The following PI4K2B variants were observed in gnomAD, a reference collection of about 807,000 sequenced individuals.
The protein encoded by PI4K2B is phosphatidylinositol 4-kinase type 2 beta, also known as phosphatidylinositol 4-kinase type 2-beta.
A neutral mutation model predicts 56.6 loss-of-function variants in PI4K2B; 46 were observed. That is an observed-to-expected ratio of 0.81 (90% CI 0.64 to 1.04). The LOEUF (loss-of-function observed/expected upper bound fraction) is 1.04. PI4K2B is among the 50% of genes least tolerant of loss of function. The pLI, the probability that PI4K2B is intolerant of heterozygous loss-of-function variation, is 0.00. For missense variants in PI4K2B, 556 were observed against 607.7 expected (o/e 0.91, Z 0.89); for synonymous variants, 211 against 223.8 (o/e 0.94, Z 0.51).
At chr4:25,254,660 G>A (rs1035016030) in intron 2 of PI4K2B, among the ~76,000 whole-genome samples, 3 of 151,950 alleles carry the variant, frequency 2.0e-5, no homozygotes, top group Admixed American at 6.6e-5. Flanking sequence ...TGATCCGCCC[G>A]CCTCGGCCTC....
At chr4:25,274,204 A>G (rs1483293924) in intron 9 of PI4K2B, among the ~76,000 whole-genome samples, 1 of 152,200 alleles carries the variant, frequency 6.6e-6, no homozygotes, top group African/African-American at 2.4e-5. Context: ...TATATAGTGC[A>G]GTAATTCTCA....
chr4:25,256,813 A>T, intron 4 of PI4K2B, 139 bp downstream of exon 4: 1 of 774,192 alleles, frequency 1.3e-6, no homozygotes, highest in Non-Finnish European at 2.1e-6. Context: ...GTAAACAGGT[A>T]ATTTTAGTGT....
At chr4:25,236,151 TC>T (rs1254831896) in intron 1 of PI4K2B, among the ~76,000 whole-genome samples, 1 of 151,646 alleles carries the variant, frequency 6.6e-6, no homozygotes, top group Non-Finnish European at 1.5e-5. Flanking sequence ...AATATTTTAT[TC>T]TCCACTGCAC....
chr4:25,237,349 T>G (rs1014697268), intron 1 of PI4K2B, among the ~76,000 whole-genome samples: 127 of 152,252 alleles, frequency 8.3e-4, no homozygotes, highest in African/African-American at 2.9e-3. Flanking sequence ...TTTGTTTTTT[T>G]TTTTTGTTTT....
rs751290066 is a variant in PI4K2B at position 25,234,386 on chromosome 4, C to T, written c.223C>T (p.Arg75Trp). 2.1e-6 allele frequency: 3 copies of T among 1,398,296 alleles called. No homozygotes were observed. The East Asian group carries it at 9.2e-5, about 43-fold the overall frequency. 86.6% of individuals were successfully genotyped at this position (1,398,296 alleles called of 1,614,324 possible). ...CCCGCCCGGGGACGTGGGGGTCTCC[C>T]GGAGTTCGTCCGCCGAGCTGGACCG... ...PLPPGDVGVS[R>W]SSSAELDRSR... Residue 75 changes from arginine (R) to tryptophan (W), a missense_variant, in exon 1 of 10, where the codon CGG (arginine) becomes TGG (tryptophan). Transcript: ENST00000264864.
intron 9 of PI4K2B, among the ~76,000 whole-genome samples, chr4:25,275,742 T>C (rs891286399): frequency 1.3e-5 from 2 of 152,180 alleles, no homozygotes; most frequent in African/African-American, 4.8e-5. Flanking sequence ...ACATAACCTA[T>C]AACACTGTTA....
chr4:25,271,188 T>C (rs938379053), intron 9 of PI4K2B, among the ~76,000 whole-genome samples: 7 of 152,174 alleles, frequency 4.6e-5, no homozygotes, highest in African/African-American at 7.2e-5. Context: ...GCTCGAGAAA[T>C]AGAATGGAGC....
At chr4:25,273,476 C>A (rs928950357) in intron 9 of PI4K2B, among the ~76,000 whole-genome samples, 4 of 151,980 alleles carry the variant, frequency 2.6e-5, no homozygotes, top group African/African-American at 9.7e-5. Context: ...GGTACTTGAC[C>A]CCTTACTGGA....
intron 1 of PI4K2B, among the ~76,000 whole-genome samples, chr4:25,250,069 A>G (rs939707534): frequency 1.7e-4 from 26 of 152,102 alleles, no homozygotes; most frequent in Admixed American, 7.2e-4. Flanking sequence ...AAATACGAAA[A>G]CCAGTCAGGC....
chr4:25,259,300 TTCTC>T lies in PI4K2B; in HGVS notation c.910+112_910+115del, dbSNP rs1716367652. ...TTGTTGCAGAAGTCTTGAAGCCACTTTCTCTGTCTGTCTTGGCAAACAGATGTAG... is the reference window on the plus strand; with the variant it reads ...TTGTTGCAGAAGTCTTGAAGCCACTTTGTCTGTCTTGGCAAACAGATGTAG... On this transcript the variant is annotated intron_variant, in intron 5 of 9. Transcript: ENST00000264864. 5 of 720,882 alleles carry T rather than the reference TTCTC, an allele frequency of 6.9e-6. No homozygotes were observed. The East Asian group carries it at 1.0e-4, about 15-fold the overall frequency. 44.7% of individuals were successfully genotyped at this position (720,882 alleles called of 1,614,324 possible). A position where few individuals can be genotyped will look rare whatever the true frequency, so the allele number is the denominator to read the frequency against.
chr4:25,269,645 A>T (rs1716800252), intron 9 of PI4K2B, among the ~76,000 whole-genome samples: 1 of 151,956 alleles, frequency 6.6e-6, no homozygotes, highest in Non-Finnish European at 1.5e-5. Flanking sequence ...ATCTCAAAAA[A>T]AAAAAAAGAA....
chr4:25,257,790 C>T (rs948198111), intron 4 of PI4K2B, among the ~76,000 whole-genome samples: 2 of 152,142 alleles, frequency 1.3e-5, no homozygotes, highest in South Asian at 4.1e-4. Flanking sequence ...GCTTGTTCTT[C>T]CTTAGACATG....
intron 1 of PI4K2B, among the ~76,000 whole-genome samples, chr4:25,237,819 A>G (rs956985161): frequency 2.6e-5 from 4 of 152,194 alleles, no homozygotes; most frequent in African/African-American, 9.7e-5. Context: ...TTCAGGTTAC[A>G]CTGAGTCCAG....
Position 25,243,684 on chromosome 4 carries a change from G to T in PI4K2B, c.269-8637G>T, listed in dbSNP as rs183944348. Among the ~76,000 whole-genome samples, 72 of 152,326 alleles carry T rather than the reference G, an allele frequency of 4.7e-4. 1 individual carries two copies. The highest frequency in any genetic ancestry group is 1.6e-3 in the Admixed American group (24 of 15,306). ...TGACCCTCGAGTGATTCAGGTGACT[G>T]GGGAGTATATTTTCTTAAGGCCTCT... On this transcript the variant is annotated intron_variant, in intron 1 of 9. Transcript: ENST00000264864.
chr4:25,263,851 T>G lies in PI4K2B; in HGVS notation c.1078+2T>G, dbSNP rs1211607071. 7.5e-7 allele frequency: 1 copy of G among 1,332,700 alleles called. No individual in the cohort carries two copies. The allele number at this position is 1,332,700 out of a possible 1,614,324, so 82.6% of individuals were successfully genotyped here. On this transcript the variant is annotated splice_donor_variant, in intron 7 of 9. Coordinates refer to ENST00000264864, the MANE Select transcript of PI4K2B (RefSeq NM_018323.4). LOFTEE classifies it high-confidence loss of function. ...AACATCCTGATGAATGGAGAGCATGTGAGTATTTAGAACCTTCTGTAGAGT... is the reference window on the plus strand; with the variant it reads ...AACATCCTGATGAATGGAGAGCATGGGAGTATTTAGAACCTTCTGTAGAGT...
chr4:25,256,448 G>C, intron 3 of PI4K2B, 95 bp from the exon 4 acceptor site: 1 of 1,183,184 alleles, frequency 8.5e-7, no homozygotes, highest in Non-Finnish European at 1.2e-6. Context: ...ATTAAACTTT[G>C]CTAATTTTCA....
chr4:25,238,766 A>G (rs995580696), intron 1 of PI4K2B, among the ~76,000 whole-genome samples: 1 of 152,162 alleles, frequency 6.6e-6, no homozygotes, highest in African/African-American at 2.4e-5. Flanking sequence ...TGTGGACCCA[A>G]AGAGTGAGCA....
At chr4:25,237,368 G>A (rs1427459511) in intron 1 of PI4K2B, among the ~76,000 whole-genome samples, 1 of 151,632 alleles carries the variant, frequency 6.6e-6, no homozygotes, top group Non-Finnish European at 1.5e-5. Context: ...TTTGGCAGTG[G>A]GTGGCTGTAG....
intron 1 of PI4K2B, among the ~76,000 whole-genome samples, chr4:25,246,791 G>A (rs1715803324): frequency 6.6e-6 from 1 of 152,178 alleles, no homozygotes; most frequent in South Asian, 2.1e-4. Context: ...CTAAGGCCCT[G>A]CGAGAAATTG....
Sources: allele counts gnomAD v4.1 joint callset (sites outside exome capture counted in the v4.1 genomes callset), GRCh38; gene constraint gnomAD v4.1.1; transcripts MANE v1.5; gene names NCBI Gene and HGNC (gene_info 2026-07-23, HGNC 2026-07-21).